The following NEGR1 variants were observed in gnomAD, a reference collection of about 807,000 sequenced individuals.
NEGR1 encodes the protein IgLON family member 4.
NEGR1 carries 10 observed loss-of-function variants against 40.9 expected under a neutral mutation model. The observed-to-expected ratio is 0.24, with a 90% CI of 0.15 to 0.42. NEGR1 has a LOEUF of 0.42. Among genes scored for constraint, NEGR1 ranks in the 10% least tolerant of loss-of-function variants. The pLI is 1.00. For synonymous variants in NEGR1, 185 were observed against 166.8 expected (o/e 1.11, Z -0.84); for missense variants, 352 against 438.9 (o/e 0.80, Z 1.77).
At chr1:71,760,628 C>A (rs1185887789) in intron 3 of NEGR1, among the ~76,000 whole-genome samples, 2 of 152,116 alleles carry the variant, frequency 1.3e-5, no homozygotes, top group Non-Finnish European at 2.9e-5. Context: ...GGAACTAGAA[C>A]CATAGTTTGT....
chr1:71,708,793 A>C (rs555331239), intron 3 of NEGR1, among the ~76,000 whole-genome samples: 1 of 152,128 alleles, frequency 6.6e-6, no homozygotes, highest in Non-Finnish European at 1.5e-5. Context: ...CTATGCATCC[A>C]TGTGTTCTCA....
intron 2 of NEGR1, among the ~76,000 whole-genome samples, chr1:71,919,473 T>C (rs1020657459): frequency 1.3e-5 from 2 of 152,094 alleles, no homozygotes; most frequent in Non-Finnish European, 2.9e-5. Context: ...CTTTTTTGTC[T>C]TTCTAATACA....
intron 4 of NEGR1, among the ~76,000 whole-genome samples, chr1:71,613,471 A>AC (rs1650335471): frequency 6.6e-6 from 1 of 151,850 alleles, no homozygotes; most frequent in African/African-American, 2.4e-5. Context: ...ACGTGGTGAA[A>AC]CCCCGTCTCT....
At chr1:71,946,791 C>A (rs1646023589) in intron 1 of NEGR1, among the ~76,000 whole-genome samples, 1 of 151,646 alleles carries the variant, frequency 6.6e-6, no homozygotes, top group South Asian at 2.1e-4. Flanking sequence ...TATGATTGAA[C>A]AACTTTTATA....
At chr1:71,765,752 T>C (rs1048368975) in intron 3 of NEGR1, among the ~76,000 whole-genome samples, 1 of 152,222 alleles carries the variant, frequency 6.6e-6, no homozygotes, top group Non-Finnish European at 1.5e-5. Context: ...TTTCATCTTT[T>C]GGGTCCTTAA....
intron 1 of NEGR1, among the ~76,000 whole-genome samples, chr1:72,240,037 G>T (rs747434858): frequency 6.6e-6 from 1 of 151,832 alleles, no homozygotes; most frequent in Non-Finnish European, 1.5e-5. Flanking sequence ...CAGTAAGAAG[G>T]TTAAGACTTC....
In NEGR1 at chr1:72,198,478, G is replaced by A. The variant is rs149606794; in HGVS notation, c.176+83841C>T. ...TACTAGCCCTGGATTACTAACCTCT[G>A]GAAGGTAATGTGTGGAAAAAAAAAT... is the stretch of plus-strand genomic sequence containing the variant. On this transcript the variant is annotated intron_variant, in intron 1 of 6. Transcript: ENST00000357731. Among the ~76,000 whole-genome samples, 391 of 151,902 alleles carry A rather than the reference G, an allele frequency of 2.6e-3. 1 individual carries two copies. The highest frequency in any genetic ancestry group is 6.5e-3 in the Admixed American group (99 of 15,208).
intron 2 of NEGR1, among the ~76,000 whole-genome samples, chr1:71,880,161 C>T (rs546666494): frequency 2.0e-5 from 3 of 152,030 alleles, no homozygotes; most frequent in African/African-American, 7.2e-5. Flanking sequence ...TTTCAAAATG[C>T]CCCAGGCATC....
intron 6 of NEGR1, among the ~76,000 whole-genome samples, chr1:71,454,588 T>C (rs1030651733): frequency 6.6e-6 from 1 of 152,168 alleles, no homozygotes; most frequent in Non-Finnish European, 1.5e-5. Flanking sequence ...ACTCTTACAA[T>C]GTGGATCCCC....
chr1:72,232,743 T>C (rs1235979855), intron 1 of NEGR1, among the ~76,000 whole-genome samples: 2 of 152,098 alleles, frequency 1.3e-5, no homozygotes, highest in Admixed American at 6.6e-5. Flanking sequence ...AGGATAATTA[T>C]AGAGAAAATA....
At chr1:71,880,747 C>T (rs1007400752) in intron 2 of NEGR1, among the ~76,000 whole-genome samples, 16 of 151,914 alleles carry the variant, frequency 1.1e-4, no homozygotes, top group Admixed American at 8.5e-4. Flanking sequence ...AATGCCACTC[C>T]TCAAAAAAGA....
At chr1:71,815,676 T>C (rs1297171563) in intron 2 of NEGR1, among the ~76,000 whole-genome samples, 2 of 152,026 alleles carry the variant, frequency 1.3e-5, no homozygotes, top group Non-Finnish European at 2.9e-5. Flanking sequence ...TTCCCAAAGT[T>C]CTTTTTACTA....
chr1:71,894,325 T>C lies in NEGR1; in HGVS notation c.409+40754A>G, dbSNP rs560245324. Among the ~76,000 whole-genome samples, 185 of 151,564 alleles carry C rather than the reference T, an allele frequency of 1.2e-3. 1 individual carries two copies. Among genetic ancestry groups the C allele is most frequent in the African/African-American group, 4.4e-3 (181 of 41,380 alleles). ...CTACAATTCATTTCAAAAGAAAACA[T>C]CTGTAGTAGTTCAAGAATCAGGGGA... On this transcript the variant is annotated intron_variant, in intron 2 of 6. Coordinates refer to ENST00000357731, the MANE Select transcript of NEGR1 (RefSeq NM_173808.3).
intron 2 of NEGR1, among the ~76,000 whole-genome samples, chr1:71,933,863 A>G (rs1008429932): frequency 6.6e-6 from 1 of 152,070 alleles, no homozygotes; most frequent in African/African-American, 2.4e-5. Context: ...CAAAGTTAAA[A>G]TATTTACTGT....
chr1:71,431,938 TG>T (rs1292233423), intron 6 of NEGR1, among the ~76,000 whole-genome samples: 1 of 152,180 alleles, frequency 6.6e-6, no homozygotes, highest in Non-Finnish European at 1.5e-5. Flanking sequence ...GGCAGAGACC[TG>T]GTTAGTGCTA....
At chr1:71,598,957 A>C (rs1312468633) in intron 5 of NEGR1, among the ~76,000 whole-genome samples, 1 of 152,116 alleles carries the variant, frequency 6.6e-6, no homozygotes, top group Non-Finnish European at 1.5e-5. Context: ...GCAAGGTTCA[A>C]GGTTGATTTT....
Position 71,594,833 on chromosome 1 carries a change from C to A in NEGR1, c.789-1865G>T, listed in dbSNP as rs527409065. ...GTTTCAGCACTATAACTTGAATTTG[C>A]CCGCATCTTTGTGATAGACACATTC... On this transcript the variant is annotated intron_variant, in intron 5 of 6. Coordinates refer to ENST00000357731, the MANE Select transcript of NEGR1 (RefSeq NM_173808.3). 5.3e-5 allele frequency among the ~76,000 whole-genome samples: 8 copies of A among 152,248 alleles called. No individual in the cohort carries two copies. In the South Asian group the frequency reaches 1.2e-3, roughly 24 times the overall value.
chr1:71,565,084 C>T (rs1164963124), intron 6 of NEGR1, among the ~76,000 whole-genome samples: 3 of 152,126 alleles, frequency 2.0e-5, no homozygotes, highest in Admixed American at 6.5e-5. Context: ...AATCAAAGGC[C>T]CATTTATTGA....
intron 1 of NEGR1, among the ~76,000 whole-genome samples, chr1:72,137,699 T>C (rs1192090765): frequency 6.6e-6 from 1 of 152,068 alleles, no homozygotes; most frequent in Non-Finnish European, 1.5e-5. Flanking sequence ...AACCTGCACA[T>C]GTACCCCAGA....
Sources: gnomAD v4.1 joint callset for allele counts (sites outside exome capture counted in the v4.1 genomes callset) on GRCh38, gnomAD v4.1.1 for gene constraint, MANE v1.5 for transcripts, NCBI Gene and HGNC (gene_info 2026-07-23, HGNC 2026-07-21) for gene names.